The following TGFB2 variants were observed in gnomAD, a reference collection of about 807,000 sequenced individuals.
TGFB2 encodes the protein transforming growth factor beta-2 proprotein.
In TGFB2, 13 loss-of-function variants were observed where a neutral mutation model predicts 42.7. That is an observed-to-expected ratio of 0.30 (90% CI 0.20 to 0.48). The LOEUF (loss-of-function observed/expected upper bound fraction) is 0.48. Ranked by LOEUF, TGFB2 falls within the 20% of genes least tolerant of loss-of-function variation. TGFB2 has a pLI of 0.99. For missense variants in TGFB2, 390 were observed against 517.5 expected, an observed-to-expected ratio of 0.75 and a Z score of 2.39; for synonymous variants, 193 against 193.6, an observed-to-expected ratio of 1.00 and a Z score of 0.03.
At chr1:218,354,770 A>C (rs1306799246) in intron 1 of TGFB2, among the ~76,000 whole-genome samples, 1 of 152,234 alleles carries the variant, frequency 6.6e-6, no homozygotes, top group East Asian at 1.9e-4. Context: ...CAAGAATTAC[A>C]TTCACAAGCA....
At chr1:218,372,129 G>T (rs1159062239) in intron 1 of TGFB2, among the ~76,000 whole-genome samples, 1 of 152,064 alleles carries the variant, frequency 6.6e-6, no homozygotes, top group East Asian at 1.9e-4. Flanking sequence ...AGCTTTTCCA[G>T]CCTGCTCTCG....
chr1:218,357,192 ACAAGAG>A (rs1253872166), intron 1 of TGFB2, among the ~76,000 whole-genome samples: 1 of 151,698 alleles, frequency 6.6e-6, no homozygotes, highest in Admixed American at 6.6e-5. Context: ...AGCCTGGGAG[ACAAGAG>A]CAAGACTTCA....
chr1:218,380,133 A>T (rs1412465300), intron 1 of TGFB2, among the ~76,000 whole-genome samples: 1 of 152,216 alleles, frequency 6.6e-6, no homozygotes, highest in Non-Finnish European at 1.5e-5. Flanking sequence ...GAGCTGAGAC[A>T]TTTACCTATC....
At chr1:218,419,838 G>A (rs1304289913) in intron 2 of TGFB2, among the ~76,000 whole-genome samples, 1 of 151,802 alleles carries the variant, frequency 6.6e-6, no homozygotes, top group Non-Finnish European at 1.5e-5. Context: ...TAACCATGTA[G>A]GTAAAAAAAT....
chr1:218,348,761 A>C (rs111852626), intron 1 of TGFB2, among the ~76,000 whole-genome samples: 1 of 152,230 alleles, frequency 6.6e-6, no homozygotes, highest in Admixed American at 6.5e-5. Context: ...TAGCATGTGC[A>C]TCGGTTCTAC....
At chr1:218,390,422 G>T (rs139228206) in intron 1 of TGFB2, among the ~76,000 whole-genome samples, 1 of 151,824 alleles carries the variant, frequency 6.6e-6, no homozygotes, top group African/African-American at 2.4e-5. Flanking sequence ...GTTGGGACCC[G>T]CTGGATTAAC....
At chr1:218,382,957 A>G (rs993248522) in intron 1 of TGFB2, among the ~76,000 whole-genome samples, 1 of 152,202 alleles carries the variant, frequency 6.6e-6, no homozygotes, top group African/African-American at 2.4e-5. Context: ...TACTCATCTC[A>G]AATTTTGAAA....
chr1:218,416,935 T>C (rs984256654), intron 2 of TGFB2, among the ~76,000 whole-genome samples: 1 of 152,240 alleles, frequency 6.6e-6, no homozygotes, highest in Admixed American at 6.5e-5. Context: ...GCCTTTCACC[T>C]TCTGCCATGA....
intron 1 of TGFB2, among the ~76,000 whole-genome samples, chr1:218,360,613 C>T (rs1297395980): frequency 6.6e-6 from 1 of 152,094 alleles, no homozygotes; most frequent in East Asian, 1.9e-4. Flanking sequence ...CACCATGGCA[C>T]ACGTTTACCT....
intron 1 of TGFB2, among the ~76,000 whole-genome samples, chr1:218,373,382 T>G (rs1657633831): frequency 6.6e-6 from 1 of 151,966 alleles, no homozygotes; most frequent in African/African-American, 2.4e-5. Flanking sequence ...TTTATAACAA[T>G]ATGATTAGTA....
At chr1:218,411,878 A>AT (rs1486652342) in intron 2 of TGFB2, among the ~76,000 whole-genome samples, 17 of 151,960 alleles carry the variant, frequency 1.1e-4, no homozygotes, top group Admixed American at 6.6e-5. Flanking sequence ...AAAAAAAAAA[A>AT]AAAATAGCAG....
At chr1:218,405,370 G>A (rs369160410) in intron 2 of TGFB2, 38 bp downstream of exon 2, 62 of 1,610,656 alleles carry the variant, frequency 3.8e-5, no homozygotes, top group Non-Finnish European at 5.2e-5. Flanking sequence ...TGTTGTTGTT[G>A]TTGTTTTAGA....
chr1:218,438,851 G>C (rs1396223222), intron 6 of TGFB2, among the ~76,000 whole-genome samples: 1 of 152,202 alleles, frequency 6.6e-6, no homozygotes, highest in East Asian at 1.9e-4. Flanking sequence ...ACTCATGCCT[G>C]TATTTCCAGC....
intron 1 of TGFB2, among the ~76,000 whole-genome samples, chr1:218,367,474 C>G (rs150456397): frequency 5.3e-5 from 8 of 152,322 alleles, no homozygotes; most frequent in African/African-American, 1.7e-4. Context: ...TTGTGCAACC[C>G]TGTGCCCCCT....
intron 2 of TGFB2, among the ~76,000 whole-genome samples, chr1:218,417,948 G>GCCCAGGCAGAAGTTTGC (rs941339523): frequency 9.2e-5 from 14 of 152,254 alleles, no homozygotes; most frequent in Admixed American, 1.3e-4. Context: ...ATGCCTGGAT[G>GCCCAGGCAGAAGTTTGC]CCCAGGCAGA....
At position 218,389,297 on chromosome 1, in the gene TGFB2, G is replaced by A. The variant is rs10482764; in HGVS notation, c.347-15872G>A. On this transcript the variant is annotated intron_variant, in intron 1 of 6. Coordinates refer to ENST00000366930, the MANE Select transcript of TGFB2 (RefSeq NM_003238.6). ...TTGTGATACATGTTGAACACCTATT[G>A]TGTACTAAGAGACCTTGTCCTGGGC... 6.4e-3 allele frequency among the ~76,000 whole-genome samples: 976 copies of A among 152,282 alleles called. 10 individuals carry two copies. The highest frequency in any genetic ancestry group is 0.022 in the African/African-American group (929 of 41,552).
chr1:218,381,149 C>T lies in TGFB2; in HGVS notation c.347-24020C>T, dbSNP rs116651387. 3.5e-3 allele frequency among the ~76,000 whole-genome samples: 532 copies of T among 152,292 alleles called. 2 individuals carry two copies. The highest frequency in any genetic ancestry group is 0.012 in the African/African-American group (513 of 41,568). ...TTCTGTTGGTTCTTACTTTCTCTAA[C>T]CTTCGCAACTGCCCTGAAAGTTAGG... is the stretch of plus-strand genomic sequence containing the variant. On this transcript the variant is annotated intron_variant, in intron 1 of 6. Coordinates refer to ENST00000366930, the MANE Select transcript of TGFB2 (RefSeq NM_003238.6).
intron 1 of TGFB2, among the ~76,000 whole-genome samples, chr1:218,348,343 C>T (rs971265268): frequency 2.6e-5 from 4 of 152,146 alleles, no homozygotes; most frequent in Admixed American, 6.6e-5. Context: ...GTAATTTTCT[C>T]TTAAAGGTTC....
intron 1 of TGFB2, among the ~76,000 whole-genome samples, chr1:218,365,848 G>T (rs1657370373): frequency 2.0e-5 from 3 of 152,180 alleles, no homozygotes; most frequent in Non-Finnish European, 2.9e-5. Context: ...GTCACCTTGC[G>T]TGAACCGCCT....
Sources: allele counts gnomAD v4.1 joint callset (sites outside exome capture counted in the v4.1 genomes callset), GRCh38; gene constraint gnomAD v4.1.1; transcripts MANE v1.5; gene names NCBI Gene and HGNC (gene_info 2026-07-23, HGNC 2026-07-21).